The following TM6SF1 variants were observed in gnomAD, a reference collection of about 807,000 sequenced individuals.
The protein encoded by TM6SF1 is transmembrane 6 superfamily member 1.
A neutral mutation model predicts 47.1 loss-of-function variants in TM6SF1; 43 were observed. The ratio of observed to expected loss-of-function variants is 0.91; its 90% CI spans 0.72 to 1.18. TM6SF1 has a LOEUF of 1.18. Among genes scored for constraint, TM6SF1 ranks in the 50% most tolerant of loss-of-function variants. The pLI is 0.00. For missense variants in TM6SF1, 390 were observed against 449.0 expected (o/e 0.87, Z 1.19); for synonymous variants, 177 against 166.3 (o/e 1.06, Z -0.49).
rs759068015 is a variant in TM6SF1, at chr15:83,115,876, G to A, written c.228G>A (p.Val76=). 12 of 1,614,042 alleles carry A rather than the reference G, an allele frequency of 7.4e-6. No individual in the cohort carries two copies. The South Asian group carries it at 1.3e-4, about 18-fold the overall frequency. The change falls in exon 3 of 10, where the codon GTG becomes GTA. Residue 76 remains valine (V), a synonymous_variant. Transcript: ENST00000322019. ...VYAVFGFTSV[V]NLIIGLEQDG... ...CAGTTTTTGGATTTACCAGCGTGGTGAACCTCATCATAGGACTGGAGCAAG... is the reference window on the plus strand; with the variant it reads ...CAGTTTTTGGATTTACCAGCGTGGTAAACCTCATCATAGGACTGGAGCAAG...
At chr15:83,124,918 C>G in intron 7 of TM6SF1, 142 bp downstream of exon 7, 1 of 707,132 alleles carries the variant, frequency 1.4e-6, no homozygotes, top group Admixed American at 2.7e-5. Context: ...AAGCCTGGAG[C>G]CCTGGACCTG....
intron 2 of TM6SF1, chr15:83,114,638 C>T (rs929001912): frequency 3.3e-5 from 5 of 152,548 alleles, no homozygotes; most frequent in African/African-American, 1.2e-4. Context: ...GCAAGGCCGG[C>T]TTCCCTTCTC....
At position 83,136,581 on chromosome 15, in the gene TM6SF1, C is replaced by A. The variant is rs866588428; in HGVS notation, c.1022C>A (p.Ala341Glu). ...ATCCTTTTTTTAGCATTAAACATAG[C>A]ATATGGAGTTCTTCCTCAGCTCTTG... ...AKILFLALNI[A>E]YGVLPQLLAY... Residue 341 changes from alanine to glutamate, a missense_variant, in exon 10 of 10, where the codon GCA becomes GAA. By Grantham distance (107) the Ala-to-Glu change is moderately radical. Coordinates refer to ENST00000322019, the MANE Select transcript of TM6SF1 (RefSeq NM_023003.5). 2 of 1,613,752 alleles carry A rather than the reference C, an allele frequency of 1.2e-6. No homozygotes were observed. The highest frequency in any genetic ancestry group is 8.5e-7 in the Non-Finnish European group (1 of 1,179,808).
chr15:83,122,030 T>A, intron 5 of TM6SF1, 27 bp downstream of exon 5: 1 of 1,553,882 alleles, frequency 6.4e-7, no homozygotes, highest in Admixed American at 1.7e-5. Context: ...TAAAGTTCAC[T>A]TTCCTTTTCT....
intron 1 of TM6SF1, chr15:83,111,783 A>G (rs1031655877): frequency 4.6e-6 from 3 of 646,216 alleles, no homozygotes; most frequent in Admixed American, 1.3e-4. Context: ...GTTGGACTGC[A>G]GGAGAACTCC....
chr15:83,109,196 G>A (rs2033927243), intron 1 of TM6SF1, among the ~76,000 whole-genome samples: 1 of 152,198 alleles, frequency 6.6e-6, no homozygotes, highest in African/African-American at 2.4e-5. Context: ...GGCCAGGGAA[G>A]GCTTCTAGGA....
At chr15:83,112,588 G>A (rs949542729) in intron 1 of TM6SF1, 12 of 596,396 alleles carry the variant, frequency 2.0e-5, no homozygotes, top group African/African-American at 9.3e-5. Context: ...TGATGGCTTC[G>A]GTCCCTGAAA....
chr15:83,127,569 T>G (rs2151376985), intron 9 of TM6SF1, 92 bp downstream of exon 9: 3 of 1,402,748 alleles, frequency 2.1e-6, no homozygotes, highest in Middle Eastern at 1.8e-4. Context: ...TGTTTTAGAC[T>G]AGGAGATAGC....
chr15:83,112,806 T>C lies in TM6SF1; in HGVS notation c.102T>C (p.Thr34=). 1 of 1,613,946 alleles carries C rather than the reference T, an allele frequency of 6.2e-7. No homozygotes were observed. The highest frequency in any genetic ancestry group is 1.1e-5 in the South Asian group (1 of 91,074). The change falls in exon 2 of 10, where the codon ACT becomes ACC. Residue 34 remains threonine (T), a synonymous_variant. Coordinates refer to ENST00000322019, the MANE Select transcript of TM6SF1 (RefSeq NM_023003.5). ...GTTCTGGTCGTTGCAGTTCCTGGAC[T>C]ATTGTAGGGGTTGCTGCCCTCATCC... ...NHLAAQHDSW[T]IVGVAALILF...
chr15:83,131,085 C>T (rs2036200685), intron 9 of TM6SF1: 1 of 151,680 alleles, frequency 6.6e-6, no homozygotes, highest in Non-Finnish European at 1.5e-5. Flanking sequence ...GAGAGAGACC[C>T]TGTCTCTCCC....
intron 3 of TM6SF1, among the ~76,000 whole-genome samples, chr15:83,116,594 G>A (rs1403696943): frequency 1.3e-5 from 2 of 152,190 alleles, no homozygotes; most frequent in Non-Finnish European, 2.9e-5. Context: ...TGTCTGTGAG[G>A]GAAGATTTTA....
chr15:83,136,695 T>C lies in TM6SF1; in HGVS notation c.*23T>C. On this transcript the variant is annotated 3_prime_UTR_variant, in exon 10 of 10. Coordinates refer to ENST00000322019, the MANE Select transcript of TM6SF1 (RefSeq NM_023003.5). ...TAAAAATATTACTTCATGTTCCTCC[T>C]TTCTAAATTACTAACTTTTGTTATA... is the stretch of plus-strand genomic sequence containing the variant. 6.4e-7 allele frequency: 1 copy of C among 1,571,414 alleles called. No individual in the cohort carries two copies. The highest frequency in any genetic ancestry group is 8.6e-7 in the Non-Finnish European group (1 of 1,160,640).
Position 83,122,776 on chromosome 15 carries a change from T to G in TM6SF1, c.501T>G (p.Ile167Met). 6.2e-7 allele frequency: 1 copy of G among 1,614,022 alleles called. No individual in the cohort carries two copies. The highest frequency in any genetic ancestry group is 8.5e-7 in the Non-Finnish European group (1 of 1,179,986). ...AAATAGGGAAGTATGGAACACGAAT[T>G]TGCCCTGCTTTTTTCTTAAGCATAC... ...GNIVGKYGTR[I>M]CPAFFLSIPY... Residue 167 changes from isoleucine (I) to methionine (M), a missense_variant, in exon 6 of 10, where the codon ATT (isoleucine) becomes ATG (methionine). By Grantham distance (10) the Ile-to-Met change is conservative. Coordinates refer to ENST00000322019, the MANE Select transcript of TM6SF1 (RefSeq NM_023003.5).
At chr15:83,132,555 A>ATTTC (rs57663948) in intron 9 of TM6SF1, 57,776 of 151,622 alleles carry the variant, frequency 0.38, 12,996 homozygotes, top group African/African-American at 0.64. Flanking sequence ...ACTGAAGTAA[A>ATTTC]TTTATCATTT....
At chr15:83,116,364 C>T (rs1314172118) in intron 3 of TM6SF1, among the ~76,000 whole-genome samples, 1 of 152,222 alleles carries the variant, frequency 6.6e-6, no homozygotes, top group Non-Finnish European at 1.5e-5. Flanking sequence ...CTTGCACTCT[C>T]CACCATGCTG....
intron 5 of TM6SF1, 22 bp from the exon 6 acceptor site, chr15:83,122,735 T>A: frequency 6.2e-7 from 1 of 1,609,592 alleles, no homozygotes; most frequent in Non-Finnish European, 8.5e-7. Context: ...GTAACTTCTT[T>A]CTCTTTCTCT....
chr15:83,112,867 A>G lies in TM6SF1; in HGVS notation c.163A>G (p.Lys55Glu), dbSNP rs2034314061. 3 of 1,613,992 alleles carry G rather than the reference A, an allele frequency of 1.9e-6. No homozygotes were observed. Among genetic ancestry groups the G allele is most frequent in the Non-Finnish European group, 2.5e-6 (3 of 1,180,008 alleles). Residue 55 changes from lysine (K) to glutamate (E), a missense_variant, in exon 2 of 10, where the codon AAA becomes GAA. Coordinates refer to ENST00000322019, the MANE Select transcript of TM6SF1 (RefSeq NM_023003.5). ...AGCACTGCTGGCTCGTGTCCTCGTC[A>G]AAAGAAAACCACCCCGGGACCCACT... ...LVALLARVLVKRKPPRDPLFY... is the reference protein window; with the variant it reads ...LVALLARVLVERKPPRDPLFY...
intron 9 of TM6SF1, 88 bp from the exon 10 acceptor site, chr15:83,136,393 G>A (rs968386520): frequency 1.1e-4 from 131 of 1,175,592 alleles, no homozygotes; most frequent in Non-Finnish European, 1.4e-4. Flanking sequence ...GCACAGAAAC[G>A]TAGCCTGAAT....
At position 83,107,952 on chromosome 15, in the gene TM6SF1, C is replaced by A. The variant is rs2151328070; in HGVS notation, c.92+180C>A. The A allele has an allele frequency of 8.2e-7, 1 of 1,224,802 alleles. No individual in the cohort carries two copies. Among genetic ancestry groups the A allele is most frequent in the Non-Finnish European group, 1.0e-6 (1 of 960,864 alleles). 75.9% of individuals were successfully genotyped at this position (1,224,802 alleles called of 1,614,324 possible). A position where few individuals can be genotyped will look rare whatever the true frequency, so the allele number is the denominator to read the frequency against. ...GGGGGCGCCCCAGGGGTCGCACGGGCCGGGTCTTGGAGCCGGGCCCTGAGG... is the reference window on the plus strand; with the variant it reads ...GGGGGCGCCCCAGGGGTCGCACGGGACGGGTCTTGGAGCCGGGCCCTGAGG... On this transcript the variant is annotated intron_variant, in intron 1 of 9. Transcript: ENST00000322019. This position sits in a 1 kb window ranked among gnomAD's most constrained non-coding sequence, Gnocchi z 5.6.
Sources: gnomAD v4.1 joint callset for allele counts (sites outside exome capture counted in the v4.1 genomes callset) on GRCh38, gnomAD v4.1.1 for gene constraint, Gnocchi (gnomAD v3.1) non-coding constraint, MANE v1.5 for transcripts, NCBI Gene and HGNC (gene_info 2026-07-23, HGNC 2026-07-21) for gene names.